TENM1: variants seen among roughly 807,000 people sequenced by gnomAD.
The protein encoded by TENM1 is teneurin transmembrane protein 1.
In TENM1, 35 loss-of-function variants were observed where a neutral mutation model predicts 174.8. The observed-to-expected ratio is 0.20, with a 90% CI of 0.15 to 0.27. The LOEUF (loss-of-function observed/expected upper bound fraction) is 0.27. Ranked by LOEUF, TENM1 falls within the 10% of genes least tolerant of loss-of-function variation. The pLI is 1.00. For missense variants in TENM1, 1,633 were observed against 2,130.1 expected (o/e 0.77, Z 4.59); for synonymous variants, 781 against 798.7 (o/e 0.98, Z 0.37).
chrX:124,740,257 GT>G (rs2053769010), intron 3 of TENM1, among the ~76,000 whole-genome samples: 1 of 111,815 alleles, frequency 8.9e-6, no homozygotes, highest in Non-Finnish European at 1.9e-5. Context: ...ATCAGTAGGG[GT>G]TTCTGTCAGC....
chrX:124,597,658 A>G (rs1385489146), intron 11 of TENM1, among the ~76,000 whole-genome samples: 1 of 110,663 alleles, frequency 9.0e-6, no homozygotes, highest in Non-Finnish European at 1.9e-5. Context: ...GTAACCAAAC[A>G]CCACCTCCTC....
chrX:124,852,409 G>T (rs2056737372), intron 3 of TENM1, among the ~76,000 whole-genome samples: 2 of 110,356 alleles, frequency 1.8e-5, no homozygotes, highest in South Asian at 7.7e-4. Context: ...TGGAGAAAAA[G>T]GAATATGTTA....
intron 15 of TENM1, among the ~76,000 whole-genome samples, chrX:124,541,067 A>G (rs1365984683): frequency 1.8e-5 from 2 of 112,415 alleles, no homozygotes; most frequent in Non-Finnish European, 3.8e-5. Context: ...TTATATTATC[A>G]CTATATCTTT....
intron 27 of TENM1, among the ~76,000 whole-genome samples, chrX:124,404,454 A>C (rs779815044): frequency 9.0e-6 from 1 of 111,641 alleles, no homozygotes; most frequent in African/African-American, 3.3e-5. Flanking sequence ...TCCCTAATCT[A>C]TAACTTCCTC....
At chrX:125,126,772 C>T in the TENM1 span, among the ~76,000 whole-genome samples, 4 of 109,928 alleles carry the variant, frequency 3.6e-5, no homozygotes. Flanking sequence ...GTAGAAATGC[C>T]GATTTGTTGG....
the TENM1 span, among the ~76,000 whole-genome samples, chrX:125,174,001 G>A: frequency 9.0e-6 from 1 of 111,589 alleles, no homozygotes; most frequent in Non-Finnish European, 1.9e-5. Flanking sequence ...GGAACCTAAT[G>A]ACTGGTTAGA....
chrX:124,658,567 T>A (rs184944690), intron 6 of TENM1, among the ~76,000 whole-genome samples: 1 of 111,905 alleles, frequency 8.9e-6, no homozygotes, highest in African/African-American at 3.2e-5. Flanking sequence ...AGAGGAAGAA[T>A]TATAACTATT....
intron 5 of TENM1, among the ~76,000 whole-genome samples, chrX:124,672,459 AG>A (rs1309204132): frequency 9.0e-6 from 1 of 111,642 alleles, no homozygotes; most frequent in Non-Finnish European, 1.9e-5. Flanking sequence ...GTCACTGTGC[AG>A]GAAGATGGGC....
chrX:125,143,239 A>G, the TENM1 span, among the ~76,000 whole-genome samples: 1 of 111,638 alleles, frequency 9.0e-6, no homozygotes, highest in Non-Finnish European at 1.9e-5. Context: ...GCAGGAACAT[A>G]TATCTCCACT....
intron 15 of TENM1, among the ~76,000 whole-genome samples, chrX:124,539,561 C>T (rs1197980962): frequency 9.0e-6 from 1 of 111,689 alleles, no homozygotes; most frequent in Non-Finnish European, 1.9e-5. Flanking sequence ...TAATCTTCCC[C>T]CAATAGGGAT....
chrX:125,147,953 T>C, the TENM1 span, among the ~76,000 whole-genome samples: 1 of 111,892 alleles, frequency 8.9e-6, no homozygotes, highest in Non-Finnish European at 1.9e-5. Context: ...CTCTTATTCA[T>C]AGAGAAATCA....
At chrX:124,762,814 A>G (rs1210964103) in intron 3 of TENM1, among the ~76,000 whole-genome samples, 1 of 111,634 alleles carries the variant, frequency 9.0e-6, no homozygotes, top group Non-Finnish European at 1.9e-5. Context: ...ATGGTCAACC[A>G]GTGGTGACCA....
intron 29 of TENM1, 97 bp from the exon 33 acceptor site, chrX:124,384,951 T>C (rs1222797942): frequency 2.9e-5 from 22 of 766,728 alleles, no homozygotes; most frequent in Non-Finnish European, 3.8e-5. Context: ...GGTGCTTTTA[T>C]ATTCATAATA....
At chrX:124,677,668 G>A (rs764020335) in intron 5 of TENM1, among the ~76,000 whole-genome samples, 1 of 111,158 alleles carries the variant, frequency 9.0e-6, no homozygotes, top group East Asian at 2.8e-4. Flanking sequence ...ATGGAAGAGT[G>A]GTACACGCTT....
chrX:124,523,966 C>T lies in TENM1; in HGVS notation c.2772-341G>A, dbSNP rs189051982. On this transcript the variant is annotated intron_variant, in intron 16 of 31. Transcript: ENST00000422452. ...CTCGGCTCACTGCAACCTCCGCCTC[C>T]TGGGTTCAAGCGATTCTCCTGTCTC... Among the ~76,000 whole-genome samples, 7 of 105,275 alleles carry T rather than the reference C, an allele frequency of 6.6e-5. No individual in the cohort carries two copies. The East Asian group carries it at 2.1e-3, about 32-fold the overall frequency. 91.4% of individuals were successfully genotyped at this position (105,275 alleles called of 115,157 possible). A position where few individuals can be genotyped will look rare whatever the true frequency, so the allele number is the denominator to read the frequency against.
the TENM1 span, among the ~76,000 whole-genome samples, chrX:125,040,507 C>A: frequency 1.8e-5 from 2 of 111,299 alleles, no homozygotes; most frequent in African/African-American, 6.5e-5. Flanking sequence ...TAACACATCT[C>A]TAAAACTAAG....
intron 3 of TENM1, among the ~76,000 whole-genome samples, chrX:124,745,132 G>T: frequency 8.9e-6 from 1 of 111,776 alleles, no homozygotes; most frequent in African/African-American, 3.2e-5. Flanking sequence ...TCAAATAAAG[G>T]CTGAAGAAAA....
intron 20 of TENM1, among the ~76,000 whole-genome samples, chrX:124,488,111 T>C (rs2046989600): frequency 8.9e-6 from 1 of 111,916 alleles, no homozygotes; most frequent in African/African-American, 3.2e-5. Context: ...TGTAAGCCTC[T>C]TGGCACAGGG....
intron 31 of TENM1, 22 bp from the exon 35 acceptor site, chrX:124,381,316 C>G: frequency 8.6e-7 from 1 of 1,169,105 alleles, no homozygotes; most frequent in African/African-American, 1.8e-5. Context: ...AGGCACAGAG[C>G]AGATGCAGCA....
Sources: allele counts gnomAD v4.1 joint callset (sites outside exome capture counted in the v4.1 genomes callset), GRCh38; gene constraint gnomAD v4.1.1; transcripts MANE v1.5; gene names NCBI Gene and HGNC (gene_info 2026-07-23, HGNC 2026-07-21).